Variants in SLC5A12 observed in about 807,000 individuals in gnomAD.
SLC5A12 encodes solute carrier family 5 member 12.
A neutral mutation model predicts 72.7 loss-of-function variants in SLC5A12; 46 were observed. The observed-to-expected ratio is 0.63, with a 90% CI of 0.50 to 0.81. The LOEUF is 0.81. Ranked by LOEUF, SLC5A12 falls within the 30% of genes least tolerant of loss-of-function variation. SLC5A12 has a pLI of 0.00. For synonymous variants in SLC5A12, 275 were observed against 264.4 expected, an observed-to-expected ratio of 1.04 and a Z score of -0.39; for missense variants, 683 against 740.7, an observed-to-expected ratio of 0.92 and a Z score of 0.90.
chr11:26,720,493 C>T (rs1037261829), intron 1 of SLC5A12, among the ~76,000 whole-genome samples: 10 of 151,696 alleles, frequency 6.6e-5, no homozygotes, highest in Admixed American at 6.6e-4. Flanking sequence ...TTAAGACTTC[C>T]TAAAAAGTGT....
intron 1 of SLC5A12, among the ~76,000 whole-genome samples, chr11:26,718,374 A>G (rs2133225900): frequency 6.6e-6 from 1 of 152,364 alleles, no homozygotes; most frequent in South Asian, 2.1e-4. Flanking sequence ...ATAAAAGTTA[A>G]GTAATTTACG....
chr11:26,719,399 T>TCCCTAAACATCAGTAGTGAC (rs2133228133), intron 1 of SLC5A12, among the ~76,000 whole-genome samples: 1 of 152,194 alleles, frequency 6.6e-6, no homozygotes, highest in Non-Finnish European at 1.5e-5. Context: ...TGCCCTCAAC[T>TCCCTAAACATCAGTAGTGAC]CCCTAAACAT....
intron 4 of SLC5A12, chr11:26,709,098 T>A (rs2133206786): frequency 2.6e-6 from 1 of 392,068 alleles, no homozygotes; most frequent in Middle Eastern, 6.4e-4. Context: ...TTTTCTTGAA[T>A]GAGTGCAGAG....
At chr11:26,719,215 ATG>A (rs1387235692) in intron 1 of SLC5A12, among the ~76,000 whole-genome samples, 1 of 152,188 alleles carries the variant, frequency 6.6e-6, no homozygotes, top group Admixed American at 6.5e-5. Flanking sequence ...TTTCTGGAAA[ATG>A]TGCTAATTTA....
chr11:26,716,271 A>T (rs1855348127), intron 1 of SLC5A12: 1 of 152,182 alleles, frequency 6.6e-6, no homozygotes, highest in African/African-American at 2.4e-5. Context: ...ATGAATAAAG[A>T]CCTGATCAGA....
In SLC5A12 at chr11:26,720,086, A is replaced by G. The variant is rs995884612; in HGVS notation, c.339+1290T>C. Reference sequence around the variant, plus strand: ...ATAGTTAAATACCATATATATTTGTATTATGATTTTCTTACACAGTATATG... The same window carrying G: ...ATAGTTAAATACCATATATATTTGTGTTATGATTTTCTTACACAGTATATG... On this transcript the variant is annotated intron_variant, in intron 1 of 14. Transcript: ENST00000396005. 2.6e-5 allele frequency among the ~76,000 whole-genome samples: 4 copies of G among 152,176 alleles called. No individual in the cohort carries two copies. In the South Asian group the frequency reaches 8.3e-4, roughly 31 times the overall value.
At chr11:26,688,052 T>A (rs1854579677) in intron 9 of SLC5A12, among the ~76,000 whole-genome samples, 1 of 152,222 alleles carries the variant, frequency 6.6e-6, no homozygotes, top group Non-Finnish European at 1.5e-5. Context: ...TAGGCAGCCA[T>A]CCCTCAATTC....
chr11:26,676,528 T>G (rs905084128), intron 13 of SLC5A12, among the ~76,000 whole-genome samples: 2 of 152,160 alleles, frequency 1.3e-5, no homozygotes, highest in African/African-American at 4.8e-5. Context: ...AAATATAAAC[T>G]ACTGTACACT....
intron 12 of SLC5A12, among the ~76,000 whole-genome samples, chr11:26,679,772 A>G (rs1854348231): frequency 6.6e-6 from 1 of 152,134 alleles, no homozygotes. Context: ...TTTGGCAGGT[A>G]TTTAGCTCCA....
At chr11:26,710,849 CT>C (rs1043320428) in intron 3 of SLC5A12, among the ~76,000 whole-genome samples, 3 of 151,902 alleles carry the variant, frequency 2.0e-5, no homozygotes, top group Non-Finnish European at 2.9e-5. Context: ...TTTACTTTGA[CT>C]TTTTTTCTTT....
chr11:26,722,409 T>G (rs1361490266), upstream of SLC5A12, among the ~76,000 whole-genome samples: 1 of 152,186 alleles, frequency 6.6e-6, no homozygotes, highest in Admixed American at 6.5e-5. Context: ...ACAGGGATAA[T>G]AAGACCTTAC....
At chr11:26,698,580 C>T (rs763824037) in intron 6 of SLC5A12, 45 bp from the exon 7 acceptor site, 5 of 1,601,798 alleles carry the variant, frequency 3.1e-6, no homozygotes, top group Non-Finnish European at 3.4e-6. Flanking sequence ...TATACCATAT[C>T]ATACTGTGGT....
intron 3 of SLC5A12, among the ~76,000 whole-genome samples, chr11:26,710,510 T>G (rs760935476): frequency 3.3e-5 from 5 of 151,980 alleles, no homozygotes; most frequent in Non-Finnish European, 7.4e-5. Flanking sequence ...CAGCATCTGT[T>G]GTTTCCTACC....
chr11:26,683,921 C>T, intron 10 of SLC5A12, 78 bp from the exon 11 acceptor site: 1 of 1,154,704 alleles, frequency 8.7e-7, no homozygotes, highest in Non-Finnish European at 1.3e-6. Flanking sequence ...CTCTCTTGGA[C>T]CTGGGATAAT....
Position 26,667,212 on chromosome 11 carries a change from A to G in SLC5A12, c.*3890T>C, listed in dbSNP as rs1479109732. The G allele has an allele frequency of 6.6e-6, 1 of 151,920 alleles. No individual in the cohort carries two copies. The highest frequency in any genetic ancestry group is 1.5e-5 in the Non-Finnish European group (1 of 67,870). The allele number at this position is 151,920 out of a possible 1,614,324, so 9.4% of individuals were successfully genotyped here. ...GCAATATTGAGATTAAGTACATGAG[A>G]CTTGTAAATATACAAATGTGCATGT... On this transcript the variant is annotated 3_prime_UTR_variant, in exon 15 of 15. Transcript: ENST00000396005.
chr11:26,677,825 G>T (rs1348892996), intron 13 of SLC5A12, among the ~76,000 whole-genome samples: 1 of 152,034 alleles, frequency 6.6e-6, no homozygotes, highest in Non-Finnish European at 1.5e-5. Context: ...CAGAATGTTG[G>T]CCATTGTTCA....
intron 5 of SLC5A12, 47 bp downstream of exon 5, chr11:26,703,743 GTCA>G: frequency 2.5e-6 from 4 of 1,612,830 alleles, no homozygotes; most frequent in Non-Finnish European, 3.4e-6. Context: ...AGGTGATAAG[GTCA>G]TGTAGCTAAG....
At chr11:26,719,498 C>T (rs1855428951) in intron 1 of SLC5A12, among the ~76,000 whole-genome samples, 1 of 152,116 alleles carries the variant, frequency 6.6e-6, no homozygotes, top group Non-Finnish European at 1.5e-5. Flanking sequence ...CACTGAGACC[C>T]CTGCTGTATA....
intron 9 of SLC5A12, among the ~76,000 whole-genome samples, chr11:26,688,707 T>C (rs1308890626): frequency 6.6e-6 from 1 of 151,852 alleles, no homozygotes; most frequent in African/African-American, 2.4e-5. Context: ...GACATACAAG[T>C]CAAGAGAAAA....
Sources: gnomAD v4.1 joint callset for allele counts (sites outside exome capture counted in the v4.1 genomes callset) on GRCh38, gnomAD v4.1.1 for gene constraint, MANE v1.5 for transcripts, NCBI Gene and HGNC (gene_info 2026-07-23, HGNC 2026-07-21) for gene names.